NDUFS4: variants seen among roughly 807,000 people sequenced by gnomAD.
NDUFS4 encodes NADH dehydrogenase [ubiquinone] iron-sulfur protein 4, mitochondrial.
NDUFS4 carries 28 observed loss-of-function variants against 24.3 expected under a neutral mutation model. That is an observed-to-expected ratio of 1.15 (90% CI 0.85 to 1.58). NDUFS4 has a LOEUF of 1.58. Ranked by LOEUF, NDUFS4 falls within the 40% of genes most tolerant of loss-of-function variation. The pLI, the probability that NDUFS4 is intolerant of heterozygous loss-of-function variation, is 0.00. For synonymous variants in NDUFS4, 93 were observed against 69.7 expected, an observed-to-expected ratio of 1.34 and a Z score of -1.67; for missense variants, 223 against 207.9, an observed-to-expected ratio of 1.07 and a Z score of -0.45.
At chr5:53,611,669 GT>G (rs1750703398) in intron 2 of NDUFS4, among the ~76,000 whole-genome samples, 2 of 151,916 alleles carry the variant, frequency 1.3e-5, no homozygotes, top group African/African-American at 4.8e-5. Flanking sequence ...CTTATAAATG[GT>G]TGTTTGCTTG....
Position 53,560,673 on chromosome 5 carries a change from T to C in NDUFS4, c.11T>C (p.Val4Ala). 6.2e-7 allele frequency: 1 copy of C among 1,614,244 alleles called. No individual in the cohort carries two copies. The highest frequency in any genetic ancestry group is 8.5e-7 in the Non-Finnish European group (1 of 1,180,044). ...TTTGCCTGCAGCAAGATGGCGGCGGTGTCAATGTCAGTGGTACTGAGGCAG... is the reference window on the plus strand; with the variant it reads ...TTTGCCTGCAGCAAGATGGCGGCGGCGTCAATGTCAGTGGTACTGAGGCAG... The part of the protein sequence containing the change: MAA[V>A]SMSVVLRQTL... Residue 4 changes from valine to alanine, a missense_variant, in exon 1 of 5, where the codon GTG becomes GCG. Val to Ala is a moderately conservative substitution (Grantham distance 64). Transcript: ENST00000296684.
chr5:53,561,255 A>C (rs991580193), intron 1 of NDUFS4, among the ~76,000 whole-genome samples: 2 of 152,102 alleles, frequency 1.3e-5, no homozygotes, highest in African/African-American at 4.8e-5. Flanking sequence ...TTGGGAGGAA[A>C]ACTTGTTTGG....
intron 4 of NDUFS4, among the ~76,000 whole-genome samples, chr5:53,664,105 T>G (rs1752433987): frequency 6.6e-6 from 1 of 152,234 alleles, no homozygotes; most frequent in Non-Finnish European, 1.5e-5. Flanking sequence ...TTAGTTTGGC[T>G]GGATATGAAA....
chr5:53,610,408 T>C (rs1447743389), intron 2 of NDUFS4, among the ~76,000 whole-genome samples: 1 of 152,040 alleles, frequency 6.6e-6, no homozygotes, highest in Non-Finnish European at 1.5e-5. Flanking sequence ...CAGAGCACCA[T>C]AACACATACA....
chr5:53,671,809 C>G (rs1417617210), intron 4 of NDUFS4, among the ~76,000 whole-genome samples: 2 of 152,170 alleles, frequency 1.3e-5, no homozygotes, highest in East Asian at 3.9e-4. Context: ...TAATGAAAAC[C>G]AGAAATGGTC....
intron 1 of NDUFS4, among the ~76,000 whole-genome samples, chr5:53,593,848 G>A (rs2112445202): frequency 6.6e-6 from 1 of 152,154 alleles, no homozygotes; most frequent in Middle Eastern, 3.4e-3. Flanking sequence ...AGTAATTGGA[G>A]ATTTTCTAGT....
chr5:53,605,089 C>T (rs879761661), intron 2 of NDUFS4, among the ~76,000 whole-genome samples: 10 of 152,014 alleles, frequency 6.6e-5, no homozygotes, highest in Non-Finnish European at 1.5e-4. Context: ...GGCGTGGTGG[C>T]GGGTGCCTGT....
At chr5:53,633,291 G>A (rs1751460078) in intron 2 of NDUFS4, among the ~76,000 whole-genome samples, 1 of 152,120 alleles carries the variant, frequency 6.6e-6, no homozygotes, top group African/African-American at 2.4e-5. Flanking sequence ...AATATTTTAT[G>A]AAGAAGGCAG....
intron 2 of NDUFS4, among the ~76,000 whole-genome samples, chr5:53,634,084 G>C (rs1751482092): frequency 6.6e-6 from 1 of 152,150 alleles, no homozygotes; most frequent in East Asian, 1.9e-4. Context: ...TGTTTCCCTG[G>C]TTTTACTAGT....
intron 2 of NDUFS4, among the ~76,000 whole-genome samples, chr5:53,634,617 TC>T (rs1272544760): frequency 6.6e-6 from 1 of 151,998 alleles, no homozygotes; most frequent in Non-Finnish European, 1.5e-5. Flanking sequence ...CTCCTTCCTC[TC>T]CCTCTTCCCT....
chr5:53,641,495 T>C (rs1374292843), intron 2 of NDUFS4, among the ~76,000 whole-genome samples: 2 of 152,172 alleles, frequency 1.3e-5, no homozygotes, highest in Non-Finnish European at 2.9e-5. Context: ...GATGTCACAT[T>C]CCAACACTTG....
At chr5:53,677,717 T>G (rs1289923151) in intron 4 of NDUFS4, among the ~76,000 whole-genome samples, 1 of 152,198 alleles carries the variant, frequency 6.6e-6, no homozygotes, top group Non-Finnish European at 1.5e-5. Context: ...ATACCTTGCT[T>G]TGGCCTCCCA....
At chr5:53,578,042 A>C (rs752275583) in intron 1 of NDUFS4, among the ~76,000 whole-genome samples, 3 of 152,156 alleles carry the variant, frequency 2.0e-5, no homozygotes, top group Non-Finnish European at 4.4e-5. Context: ...TCCCACTTTC[A>C]TCTCTGACTG....
At chr5:53,679,196 G>A (rs891578792) in intron 4 of NDUFS4, among the ~76,000 whole-genome samples, 1 of 152,122 alleles carries the variant, frequency 6.6e-6, no homozygotes, top group African/African-American at 2.4e-5. Context: ...ACAGTTGCAT[G>A]TGCAACTTTG....
intron 1 of NDUFS4, among the ~76,000 whole-genome samples, chr5:53,599,211 GAAA>G (rs1180640709): frequency 6.6e-6 from 1 of 152,018 alleles, no homozygotes; most frequent in East Asian, 1.9e-4. Context: ...TTGGCTATTT[GAAA>G]AATGCTGCTA....
intron 4 of NDUFS4, among the ~76,000 whole-genome samples, chr5:53,679,060 G>A (rs1740568918): frequency 6.6e-6 from 1 of 152,140 alleles, no homozygotes; most frequent in Admixed American, 6.6e-5. Context: ...CTACATAGCA[G>A]AAAAGTTTTC....
chr5:53,640,168 T>A (rs188235598), intron 2 of NDUFS4, among the ~76,000 whole-genome samples: 156 of 152,146 alleles, frequency 1.0e-3, no homozygotes, highest in African/African-American at 3.6e-3. Context: ...AAGTTCAAAT[T>A]ACTGAGGGGC....
At chr5:53,612,319 G>C (rs755895490) in intron 2 of NDUFS4, among the ~76,000 whole-genome samples, 3 of 151,840 alleles carry the variant, frequency 2.0e-5, no homozygotes, top group Non-Finnish European at 2.9e-5. Flanking sequence ...AGCACCACCT[G>C]TTTTAACTTT....
At chr5:53,672,014 G>T (rs1018467682) in intron 4 of NDUFS4, among the ~76,000 whole-genome samples, 140 of 152,186 alleles carry the variant, frequency 9.2e-4, no homozygotes, top group African/African-American at 3.2e-3. Context: ...GTCTATTGGG[G>T]TGGAAAACCC....
Sources: allele counts gnomAD v4.1 joint callset (sites outside exome capture counted in the v4.1 genomes callset), GRCh38; gene constraint gnomAD v4.1.1; transcripts MANE v1.5; gene names NCBI Gene and HGNC (gene_info 2026-07-23, HGNC 2026-07-21).